Variants in TTLL1 observed in about 807,000 individuals in gnomAD.
The protein encoded by TTLL1 is polyglutamylase complex subunit TTLL1.
In TTLL1, 33 loss-of-function variants were observed where a neutral mutation model predicts 47.8. That is an observed-to-expected ratio of 0.69 (90% CI 0.52 to 0.92). TTLL1 has a LOEUF of 0.92. TTLL1 is among the 40% of genes least tolerant of loss of function. The pLI is 0.00. For synonymous variants in TTLL1, 225 were observed against 214.1 expected, an observed-to-expected ratio of 1.05 and a Z score of -0.45; for missense variants, 488 against 547.5, an observed-to-expected ratio of 0.89 and a Z score of 1.08.
chr22:43,085,954 C>T (rs1929203383), intron 1 of TTLL1, among the ~76,000 whole-genome samples: 1 of 152,194 alleles, frequency 6.6e-6, no homozygotes, highest in Admixed American at 6.6e-5. Flanking sequence ...GGCACGCAGC[C>T]AGCCAGGCCT....
rs368753168 is a variant in TTLL1 at position 43,071,076 on chromosome 22, C to T, written c.114-1232G>A. Among the ~76,000 whole-genome samples the T allele has an allele frequency of 8.7e-4, 132 of 152,066 alleles. 1 individual carries two copies. The highest frequency in any genetic ancestry group is 3.1e-3 in the African/African-American group (129 of 41,472). ...TACAGGAAGGGGCCACCGTGTCCTG[C>T]TAAATTTTTATAATTTTTTTTGTAG... On this transcript the variant is annotated intron_variant, in intron 3 of 10. Coordinates refer to ENST00000266254, the MANE Select transcript of TTLL1 (RefSeq NM_012263.5).
chr22:43,068,933 AC>A (rs1262388173), intron 4 of TTLL1, among the ~76,000 whole-genome samples: 2 of 152,104 alleles, frequency 1.3e-5, no homozygotes, highest in African/African-American at 2.4e-5. Context: ...GAAATCTGAA[AC>A]TATTCAGTCC....
In TTLL1 at chr22:43,057,201, G is replaced by A. The variant is rs117659059; in HGVS notation, c.891+2183C>T. Reference sequence around the variant, plus strand: ...AGGAGAATTGTTTGAACCAGGGATCGGAGGCTGCAGTGGGCTGAGATTGTG... The same window carrying A: ...AGGAGAATTGTTTGAACCAGGGATCAGAGGCTGCAGTGGGCTGAGATTGTG... On this transcript the variant is annotated intron_variant, in intron 8 of 10. Transcript: ENST00000266254. Among the ~76,000 whole-genome samples, 170 of 151,656 alleles carry A rather than the reference G, an allele frequency of 1.1e-3. 2 individuals carry two copies. The East Asian group carries it at 0.028, about 25-fold the overall frequency.
chr22:43,044,311 G>A (rs1245810294), intron 10 of TTLL1, among the ~76,000 whole-genome samples: 1 of 152,058 alleles, frequency 6.6e-6, no homozygotes, highest in South Asian at 2.1e-4. Context: ...CGAGGTTGCC[G>A]GCAAGCCCAG....
At chr22:43,044,490 C>G (rs567741475) in intron 10 of TTLL1, among the ~76,000 whole-genome samples, 1 of 152,100 alleles carries the variant, frequency 6.6e-6, no homozygotes. Context: ...CCTGACGTCT[C>G]TGTGTGTGTG....
At chr22:43,065,292 A>T (rs180797193) in intron 5 of TTLL1, among the ~76,000 whole-genome samples, 2 of 151,892 alleles carry the variant, frequency 1.3e-5, no homozygotes, top group African/African-American at 4.8e-5. Context: ...ATTTTTATTT[A>T]TATATATATA....
intron 1 of TTLL1, among the ~76,000 whole-genome samples, chr22:43,088,082 A>G (rs1012429318): frequency 6.6e-6 from 1 of 151,216 alleles, no homozygotes; most frequent in Non-Finnish European, 1.5e-5. Context: ...CAGGAGGCAG[A>G]GGTTGCAGTG....
intron 7 of TTLL1, 88 bp downstream of exon 7, chr22:43,063,725 C>CAAA: frequency 7.7e-7 from 1 of 1,296,692 alleles, no homozygotes. Flanking sequence ...CTCAGCCTCC[C>CAAA]AAAGTGCCGG....
At chr22:43,062,846 G>A (rs5751424) in intron 7 of TTLL1, among the ~76,000 whole-genome samples, 34,518 of 151,994 alleles carry the variant, frequency 0.23, 6,088 homozygotes, top group East Asian at 0.69. Flanking sequence ...AAAAAAGTGC[G>A]TTTTCTATAC....
At chr22:43,088,707 C>G (rs1427987332) in intron 1 of TTLL1, among the ~76,000 whole-genome samples, 1 of 152,112 alleles carries the variant, frequency 6.6e-6, no homozygotes, top group Non-Finnish European at 1.5e-5. Flanking sequence ...GTTTCCTGAG[C>G]AAAGAACCTG....
chr22:43,061,242 A>G (rs780152079), intron 7 of TTLL1, among the ~76,000 whole-genome samples: 6 of 152,176 alleles, frequency 3.9e-5, no homozygotes, highest in Non-Finnish European at 8.8e-5. Context: ...TGTAAAACTG[A>G]TGCTTGCTTG....
intron 2 of TTLL1, among the ~76,000 whole-genome samples, chr22:43,077,211 C>T (rs950109133): frequency 2.0e-5 from 3 of 152,118 alleles, no homozygotes; most frequent in Non-Finnish European, 4.4e-5. Context: ...TCCCCAGGTA[C>T]ACCTCACACC....
At chr22:43,054,403 G>A (rs531491874) in intron 8 of TTLL1, among the ~76,000 whole-genome samples, 54 of 151,370 alleles carry the variant, frequency 3.6e-4, no homozygotes, top group Non-Finnish European at 5.7e-4. Flanking sequence ...GAAAGTCAAG[G>A]CACCAACCCG....
In TTLL1 at chr22:43,043,867, G is replaced by A. The variant is rs989643668; in HGVS notation, c.1142+2543C>T. 2.0e-5 allele frequency among the ~76,000 whole-genome samples: 3 copies of A among 152,024 alleles called. No homozygotes were observed. The South Asian group carries it at 6.2e-4, about 31-fold the overall frequency. ...GTCACCACCCCAGATCCCTTGGAGAGCCAGGCTCCTAGTTCATGGTGGTGG... is the reference window on the plus strand; with the variant it reads ...GTCACCACCCCAGATCCCTTGGAGAACCAGGCTCCTAGTTCATGGTGGTGG... On this transcript the variant is annotated intron_variant, in intron 10 of 10. Coordinates refer to ENST00000266254, the MANE Select transcript of TTLL1 (RefSeq NM_012263.5).
chr22:43,064,886 C>A (rs558213459), intron 5 of TTLL1, among the ~76,000 whole-genome samples: 23 of 152,190 alleles, frequency 1.5e-4, no homozygotes, highest in African/African-American at 5.3e-4. Context: ...TGGCTCACGC[C>A]TGTAATCCCA....
rs1490755344 is a variant in TTLL1, at chr22:43,039,840, G to A, written c.1208C>T (p.Ser403Phe). The A allele has an allele frequency of 6.2e-7, 1 of 1,614,054 alleles. No individual in the cohort carries two copies. ...CGATCGGCCTGCTCTGGGCCCCAGA[G>A]ACTGACCCTGACGGCTTCTCAGCTC... is the stretch of plus-strand genomic sequence containing the variant. ...DRELRSRQGQSLGPRAGRSRD... is the reference protein window; with the variant it reads ...DRELRSRQGQFLGPRAGRSRD... Residue 403 changes from serine (S) to phenylalanine (F), a missense_variant, in exon 11 of 11, where the codon TCT (serine) becomes TTT (phenylalanine). Coordinates refer to ENST00000266254, the MANE Select transcript of TTLL1 (RefSeq NM_012263.5).
At chr22:43,051,443 G>A (rs1926612702) in intron 9 of TTLL1, among the ~76,000 whole-genome samples, 1 of 152,184 alleles carries the variant, frequency 6.6e-6, no homozygotes, top group Non-Finnish European at 1.5e-5. Flanking sequence ...CCGAGGTTGT[G>A]AGCTGCTTTC....
chr22:43,056,944 C>T (rs1911089519), intron 8 of TTLL1, among the ~76,000 whole-genome samples: 1 of 152,124 alleles, frequency 6.6e-6, no homozygotes, highest in African/African-American at 2.4e-5. Flanking sequence ...AAGTATGTGC[C>T]ACCACGCCCG....
chr22:43,081,059 G>C (rs914348223), intron 1 of TTLL1, among the ~76,000 whole-genome samples: 1 of 151,596 alleles, frequency 6.6e-6, no homozygotes, highest in African/African-American at 2.4e-5. Flanking sequence ...GGGATTACAG[G>C]AGCCCATCAC....
Sources: allele counts gnomAD v4.1 joint callset (sites outside exome capture counted in the v4.1 genomes callset), GRCh38; gene constraint gnomAD v4.1.1; transcripts MANE v1.5; gene names NCBI Gene and HGNC (gene_info 2026-07-23, HGNC 2026-07-21).